Variants in YLPM1 observed in about 807,000 individuals in gnomAD.
YLPM1 encodes YLP motif-containing protein 1.
A neutral mutation model predicts 230.0 loss-of-function variants in YLPM1; 99 were observed. That is an observed-to-expected ratio of 0.43 (90% CI 0.37 to 0.51). YLPM1 has a LOEUF of 0.51. YLPM1 is among the 20% of genes least tolerant of loss of function. YLPM1 has a pLI of 0.00. For missense variants in YLPM1, 2,592 were observed against 2,707.7 expected, an observed-to-expected ratio of 0.96 and a Z score of 0.95; for synonymous variants, 984 against 942.5, an observed-to-expected ratio of 1.04 and a Z score of -0.81.
chr14:74,803,320 TTTG>T, intron 6 of YLPM1, among the ~76,000 whole-genome samples: 1 of 152,338 alleles, frequency 6.6e-6, no homozygotes, highest in Non-Finnish European at 1.5e-5. Context: ...TTCTTTTATT[TTTG>T]TTATTTTACC....
Position 74,802,540 on chromosome 14 carries a change from T to C in YLPM1, c.4401-16T>C, listed in dbSNP as rs1213985782. On this transcript the variant is annotated splice_polypyrimidine_tract_variant and intron_variant, in intron 5 of 20. Coordinates refer to ENST00000325680, the MANE Select transcript of YLPM1 (RefSeq NM_019589.3). ...AAGCATGCTTTATGTACTATGTCAATTTTATTTGTTTGCAGGGAACAGAAA... is the reference window on the plus strand; with the variant it reads ...AAGCATGCTTTATGTACTATGTCAACTTTATTTGTTTGCAGGGAACAGAAA... The C allele has an allele frequency of 6.2e-7, 1 of 1,606,796 alleles. No homozygotes were observed. Among genetic ancestry groups the C allele is most frequent in the Non-Finnish European group, 8.5e-7 (1 of 1,177,694 alleles).
chr14:74,813,367 T>G (rs1217203497), intron 11 of YLPM1, among the ~76,000 whole-genome samples: 2 of 152,228 alleles, frequency 1.3e-5, no homozygotes, highest in African/African-American at 2.4e-5. Flanking sequence ...TTTCATTCTA[T>G]TTGTATCTTT....
At chr14:74,816,724 A>G (rs1350545500) in intron 13 of YLPM1, 34 bp downstream of exon 13, 1 of 1,576,462 alleles carries the variant, frequency 6.3e-7, no homozygotes. Flanking sequence ...GTTCTGATTC[A>G]TTAATAGTAT....
In YLPM1 at chr14:74,781,343, G is replaced by C; in HGVS notation, c.1300G>C (p.Val434Leu). Residue 434 changes from valine (V) to leucine (L), a missense_variant, in exon 4 of 21, where the codon GTA becomes CTA. By Grantham distance (32) the Val-to-Leu change is conservative. Around this residue, in one of 4 missense-constraint regions of YLPM1, gnomAD observed 1,862 missense variants for 1,819.8 expected, o/e 1.02. Transcript: ENST00000325680. ...QPPPHIQTMSVDMQLRHYEMQ... is the reference protein window; with the variant it reads ...QPPPHIQTMSLDMQLRHYEMQ... ...ATCCCTTTATTTGTAGACCATGTCT[G>C]TAGATATGCAGCTGCGGCATTATGA... 1 of 1,561,590 alleles carries C rather than the reference G, an allele frequency of 6.4e-7. No homozygotes were observed. Among genetic ancestry groups the C allele is most frequent in the Non-Finnish European group, 8.7e-7 (1 of 1,152,332 alleles).
At chr14:74,818,013 G>A (rs1278570264) in intron 15 of YLPM1, among the ~76,000 whole-genome samples, 3 of 150,906 alleles carry the variant, frequency 2.0e-5, no homozygotes, top group Non-Finnish European at 4.4e-5. Flanking sequence ...CCATGTTGGC[G>A]CCACTACACT....
Position 74,809,601 on chromosome 14 carries a change from G to A in YLPM1, c.4743G>A (p.Gly1581=), listed in dbSNP as rs892179014. Residue 1581 remains glycine (G), a synonymous_variant, in exon 7 of 21, where the codon GGG becomes GGA. Transcript: ENST00000325680. The stretch of plus-strand genomic sequence containing the variant: ...GATGGGATGAAGATTCTTTCTATGG[G>A]CTCTGGGATACAAATGATGAACAAG... ...QERWDEDSFY[G]LWDTNDEQGL... 3.7e-6 allele frequency: 6 copies of A among 1,613,686 alleles called. No homozygotes were observed. In the East Asian group the frequency reaches 1.3e-4, roughly 36 times the overall value.
chr14:74,808,145 G>C (rs2091397065), intron 6 of YLPM1, among the ~76,000 whole-genome samples: 1 of 152,204 alleles, frequency 6.6e-6, no homozygotes, highest in African/African-American at 2.4e-5. Flanking sequence ...CCAGTTTACA[G>C]TTAGTTAATC....
intron 4 of YLPM1, among the ~76,000 whole-genome samples, chr14:74,791,762 C>T (rs540308632): frequency 2.0e-5 from 3 of 152,348 alleles, no homozygotes; most frequent in Admixed American, 2.0e-4. Flanking sequence ...AGGCATGACT[C>T]TCTTTTTAGC....
intron 5 of YLPM1, among the ~76,000 whole-genome samples, chr14:74,801,701 G>A (rs2091327246): frequency 6.6e-6 from 1 of 152,154 alleles, no homozygotes; most frequent in African/African-American, 2.4e-5. Context: ...CATCTAACAT[G>A]GGCAGCCTCT....
intron 6 of YLPM1, among the ~76,000 whole-genome samples, chr14:74,808,915 A>G (rs563985214): frequency 2.4e-4 from 36 of 151,884 alleles, no homozygotes; most frequent in Non-Finnish European, 4.1e-4. Flanking sequence ...TTTCTTTCCT[A>G]TATCCTTGCC....
At chr14:74,794,437 G>A (rs1018376673) in intron 4 of YLPM1, among the ~76,000 whole-genome samples, 4 of 152,058 alleles carry the variant, frequency 2.6e-5, no homozygotes, top group African/African-American at 7.2e-5. Flanking sequence ...TCGCCTCCGC[G>A]TCCCAAAGTG....
chr14:74,764,580 T>C (rs2090892783), intron 1 of YLPM1, among the ~76,000 whole-genome samples: 1 of 152,214 alleles, frequency 6.6e-6, no homozygotes, highest in South Asian at 2.1e-4. Context: ...ATGGATTACA[T>C]ACAGTGGTGG....
At chr14:74,771,563 G>A (rs938946867) in intron 1 of YLPM1, among the ~76,000 whole-genome samples, 1 of 152,172 alleles carries the variant, frequency 6.6e-6, no homozygotes, top group African/African-American at 2.4e-5. Context: ...TGCCATGAAC[G>A]TCAAGGAACA....
At position 74,798,120 on chromosome 14, in the gene YLPM1, T is replaced by G. The variant is rs749509507; in HGVS notation, c.2823T>G (p.Val941=). ...CTCAAATCGACAAAGCCCAAGCTGT[T>G]ACTCAGCCTGTACCCCTTGCGAATA... The part of the protein sequence containing the change: ...METQIDKAQA[V]TQPVPLANKP... Residue 941 remains valine, a synonymous_variant, in exon 5 of 21, where the codon GTT becomes GTG. Transcript: ENST00000325680. 6.2e-7 allele frequency: 1 copy of G among 1,613,978 alleles called. No individual in the cohort carries two copies. Among genetic ancestry groups the G allele is most frequent in the Non-Finnish European group, 8.5e-7 (1 of 1,179,872 alleles).
rs762851933 is a variant in YLPM1, at chr14:74,798,641, G to A, written c.3344G>A (p.Arg1115Gln). The A allele has an allele frequency of 4.1e-5, 66 of 1,612,028 alleles. No individual in the cohort carries two copies. Among genetic ancestry groups the A allele is most frequent in the South Asian group, 2.9e-4 (26 of 90,866 alleles). ...GGCAGCCGAGAAAGGGGACCACCTCGGAGGGCTGGCAGTCAGGAGAGGGGA... is the reference window on the plus strand; with the variant it reads ...GGCAGCCGAGAAAGGGGACCACCTCAGAGGGCTGGCAGTCAGGAGAGGGGA... ...AAGSRERGPP[R>Q]RAGSQERGPL... is the part of the protein sequence containing the mutation. Residue 1115 changes from arginine to glutamine, a missense_variant, in exon 5 of 21, where the codon CGG (arginine) becomes CAG (glutamine). Transcript: ENST00000325680.
intron 16 of YLPM1, among the ~76,000 whole-genome samples, chr14:74,820,394 G>A (rs1020532753): frequency 5.3e-5 from 8 of 152,014 alleles, no homozygotes; most frequent in Admixed American, 4.6e-4. Flanking sequence ...GACTACAGGC[G>A]CATGCCCTGT....
chr14:74,815,231 T>C (rs946555919), intron 11 of YLPM1, among the ~76,000 whole-genome samples: 4 of 152,100 alleles, frequency 2.6e-5, no homozygotes, highest in African/African-American at 7.2e-5. Flanking sequence ...TTGAATCTTC[T>C]TTTTTTTCTA....
chr14:74,824,209 A>T (rs762878851), intron 17 of YLPM1, 47 bp from the exon 18 acceptor site: 1 of 1,585,390 alleles, frequency 6.3e-7, no homozygotes, highest in East Asian at 2.3e-5. Context: ...ATATGCATGT[A>T]TGTGTCTCTT....
intron 1 of YLPM1, among the ~76,000 whole-genome samples, chr14:74,771,970 A>G (rs908746408): frequency 3.3e-5 from 5 of 152,188 alleles, no homozygotes; most frequent in East Asian, 1.9e-4. Flanking sequence ...TGGAAACCCA[A>G]TTCATTATTT....
Sources: gnomAD v4.1 joint callset for allele counts (sites outside exome capture counted in the v4.1 genomes callset) on GRCh38, gnomAD v4.1.1 for gene constraint, gnomAD v4.1.1 regional missense constraint, MANE v1.5 for transcripts, NCBI Gene and HGNC (gene_info 2026-07-23, HGNC 2026-07-21) for gene names.